The following CLCN3 variants were observed in gnomAD, a reference collection of about 807,000 sequenced individuals.
CLCN3 encodes the protein H(+)/Cl(-) exchange transporter 3.
In CLCN3, 16 loss-of-function variants were observed where a neutral mutation model predicts 83.4. The ratio of observed to expected loss-of-function variants is 0.19; its 90% CI spans 0.13 to 0.29. CLCN3 has a LOEUF of 0.29. Among genes scored for constraint, CLCN3 ranks in the 10% least tolerant of loss-of-function variants. The pLI is 1.00. For missense variants in CLCN3, 544 were observed against 1,006.0 expected, an observed-to-expected ratio of 0.54 and a Z score of 6.21; for synonymous variants, 322 against 346.2, an observed-to-expected ratio of 0.93 and a Z score of 0.78.
At chr4:169,660,440 A>C (rs1287960104) in intron 2 of CLCN3, 4 of 1,370,706 alleles carry the variant, frequency 2.9e-6, no homozygotes, top group Non-Finnish European at 3.7e-6. Context: ...AGGGAATTAC[A>C]TAAAAGAGGT....
intron 9 of CLCN3, among the ~76,000 whole-genome samples, chr4:169,702,345 TC>T (rs1466880570): frequency 1.3e-5 from 2 of 152,158 alleles, no homozygotes. Context: ...AACTTAAAAG[TC>T]AAAATTAGTC....
intron 1 of CLCN3, among the ~76,000 whole-genome samples, chr4:169,632,716 C>CAAAAAAA (rs559919032): frequency 3.1e-5 from 1 of 32,280 alleles, no homozygotes; most frequent in Non-Finnish European, 5.4e-5. Flanking sequence ...GACTCCATCT[C>CAAAAAAA]AAAAAAAAAA....
intron 1 of CLCN3, among the ~76,000 whole-genome samples, chr4:169,632,997 T>C (rs1773417004): frequency 6.6e-6 from 1 of 152,112 alleles, no homozygotes; most frequent in Non-Finnish European, 1.5e-5. Context: ...GAAGTTTTCA[T>C]AGTTTATCTC....
At chr4:169,631,818 A>T (rs990236193) in intron 1 of CLCN3, among the ~76,000 whole-genome samples, 1 of 152,180 alleles carries the variant, frequency 6.6e-6, no homozygotes, top group African/African-American at 2.4e-5. Context: ...CGAACTAGAA[A>T]ATCTAGAGGA....
intron 8 of CLCN3, among the ~76,000 whole-genome samples, chr4:169,696,112 G>A (rs767166001): frequency 6.6e-6 from 1 of 151,784 alleles, no homozygotes; most frequent in Admixed American, 6.6e-5. Context: ...TTTTTGAGAC[G>A]GAGTTTCACT....
intron 2 of CLCN3, among the ~76,000 whole-genome samples, chr4:169,665,232 G>T (rs1581222483): frequency 6.6e-6 from 1 of 152,062 alleles, no homozygotes; most frequent in East Asian, 1.9e-4. Context: ...TTATTTTGAG[G>T]TGGCAACAGA....
rs33952411 is a variant in CLCN3, at chr4:169,720,526, T to TTCTCTC, written c.*557_*562dup. ...TTCTACATTCCAGAAGAGCCTTTAT[T>TTCTCTC]TCTCTCTCTCTCTCTCTCTCTCTCT... On this transcript the variant is annotated 3_prime_UTR_variant, in exon 13 of 13. Transcript: ENST00000513761. 9.7e-3 allele frequency: 1,423 copies of TTCTCTC among 146,922 alleles called. 13 individuals carry two copies. The highest frequency in any genetic ancestry group is 0.022 in the African/African-American group (898 of 39,938). The allele number at this position is 146,922 out of a possible 1,614,324, so 9.1% of individuals were successfully genotyped here. A position where few individuals can be genotyped will look rare whatever the true frequency, so the allele number is the denominator to read the frequency against.
At chr4:169,695,728 T>A (rs765364697) in intron 8 of CLCN3, 36 bp downstream of exon 8, 1 of 1,312,980 alleles carries the variant, frequency 7.6e-7, no homozygotes, top group South Asian at 1.2e-5. Flanking sequence ...AAATTATATA[T>A]AATTACCATT....
At chr4:169,688,965 CTT>C in intron 4 of CLCN3, 76 bp from the exon 5 acceptor site, 3 of 1,233,254 alleles carry the variant, frequency 2.4e-6, no homozygotes, top group Non-Finnish European at 3.5e-6. Context: ...CTGCTTTCTA[CTT>C]GCCTTTTAAC....
At chr4:169,636,554 TTATG>T (rs1270624374) in intron 2 of CLCN3, among the ~76,000 whole-genome samples, 1 of 152,210 alleles carries the variant, frequency 6.6e-6, no homozygotes, top group African/African-American at 2.4e-5. Flanking sequence ...TATTTAAACT[TTATG>T]TATGTGGAAT....
At chr4:169,637,896 A>G (rs1730275004) in intron 2 of CLCN3, among the ~76,000 whole-genome samples, 1 of 152,178 alleles carries the variant, frequency 6.6e-6, no homozygotes, top group Non-Finnish European at 1.5e-5. Context: ...TCATGTATCA[A>G]GTGGCTATAT....
In CLCN3 at chr4:169,697,316, A is replaced by G. The variant is rs1732602808; in HGVS notation, c.1145A>G (p.His382Arg). Residue 382 changes from histidine to arginine, a missense_variant, in exon 9 of 13, where the codon CAT (histidine) becomes CGT (arginine). By Grantham distance (29) the His-to-Arg change is conservative. Around this residue, in one of 6 missense-constraint regions of CLCN3, gnomAD observed 194 missense variants for 341.4 expected, o/e 0.57. Coordinates refer to ENST00000513761, the MANE Select transcript of CLCN3 (RefSeq NM_001829.4). ...CTGGTCCTTTTTTATGTGGAGTATC[A>G]TACACCATGGTACCTTTTTGAACTG... ...SRLVLFYVEY[H>R]TPWYLFELFP... 6.2e-7 allele frequency: 1 copy of G among 1,614,092 alleles called. No individual in the cohort carries two copies. Among genetic ancestry groups the G allele is most frequent in the Non-Finnish European group, 8.5e-7 (1 of 1,180,030 alleles).
rs551190083 is a variant in CLCN3 at position 169,699,897 on chromosome 4, G to T, written c.1563+2163G>T. Reference sequence around the variant, plus strand: ...ACACTGTCTCAAAAAATAATAATAAGAAGAAAATAATAATAGTAATAGAAA... The same window carrying T: ...ACACTGTCTCAAAAAATAATAATAATAAGAAAATAATAATAGTAATAGAAA... On this transcript the variant is annotated intron_variant, in intron 9 of 12. Transcript: ENST00000513761. Among the ~76,000 whole-genome samples, 221 of 152,072 alleles carry T rather than the reference G, an allele frequency of 1.5e-3. 1 individual carries two copies. The highest frequency in any genetic ancestry group is 3.8e-3 in the African/African-American group (159 of 41,484).
At chr4:169,696,680 T>A (rs1031364406) in intron 8 of CLCN3, among the ~76,000 whole-genome samples, 5 of 152,136 alleles carry the variant, frequency 3.3e-5, no homozygotes, top group African/African-American at 1.2e-4. Context: ...TTGACTAATG[T>A]CTCCCCTTTC....
intron 1 of CLCN3, among the ~76,000 whole-genome samples, chr4:169,623,725 CTT>C (rs951061849): frequency 6.7e-6 from 1 of 148,274 alleles, no homozygotes. Flanking sequence ...CTGAGTTTGA[CTT>C]TTTTTTTTAG....
At chr4:169,648,099 G>T (rs759504070) in intron 2 of CLCN3, among the ~76,000 whole-genome samples, 15 of 152,178 alleles carry the variant, frequency 9.9e-5, no homozygotes, top group African/African-American at 3.6e-4. Flanking sequence ...AACTAAGACC[G>T]AAGGAGTTCA....
At chr4:169,624,655 G>A (rs1247615806) in intron 1 of CLCN3, among the ~76,000 whole-genome samples, 2 of 152,200 alleles carry the variant, frequency 1.3e-5, no homozygotes, top group African/African-American at 4.8e-5. Flanking sequence ...TCTACTGAAA[G>A]CTGTAGGGCC....
chr4:169,697,920 C>T (rs1354386421), intron 9 of CLCN3, among the ~76,000 whole-genome samples, 186 bp downstream of exon 9: 1 of 152,170 alleles, frequency 6.6e-6, no homozygotes, highest in Non-Finnish European at 1.5e-5. Context: ...TGCTATTTAA[C>T]AAATTACCCC....
chr4:169,713,370 T>C, intron 12 of CLCN3, 75 bp downstream of exon 12: 2 of 1,181,842 alleles, frequency 1.7e-6, no homozygotes. Context: ...ATATAGTTAT[T>C]AGGGGAGCAT....
Sources: allele counts gnomAD v4.1 joint callset (sites outside exome capture counted in the v4.1 genomes callset), GRCh38; gene constraint gnomAD v4.1.1; regional missense constraint gnomAD v4.1.1; transcripts MANE v1.5; gene names NCBI Gene and HGNC (gene_info 2026-07-23, HGNC 2026-07-21).